RELT: variants seen among roughly 807,000 people sequenced by gnomAD.
The protein encoded by RELT is tumor necrosis factor receptor superfamily member 19L.
A neutral mutation model predicts 51.1 loss-of-function variants in RELT; 37 were observed. The ratio of observed to expected loss-of-function variants is 0.72; its 90% CI spans 0.56 to 0.95. RELT has a LOEUF of 0.95. Ranked by LOEUF, RELT falls within the 40% of genes least tolerant of loss-of-function variation. The probability of loss-of-function intolerance (pLI) is 0.00; values close to 1 mark genes in which losing one functional copy is unlikely to be tolerated. For synonymous variants in RELT, 241 were observed against 235.7 expected (o/e 1.02, Z -0.21); for missense variants, 535 against 572.6 (o/e 0.93, Z 0.67).
Position 73,396,296 on chromosome 11 carries a change from T to G in RELT, c.*805T>G, listed in dbSNP as rs1245764111. On this transcript the variant is annotated 3_prime_UTR_variant, in exon 11 of 11. Coordinates refer to ENST00000064780, the MANE Select transcript of RELT (RefSeq NM_152222.2). Reference sequence around the variant, plus strand: ...GCTGTTTTTAATGAAACTGAAAAAATAGACTTGATCCCGGCAGGACTGTGA... The same window carrying G: ...GCTGTTTTTAATGAAACTGAAAAAAGAGACTTGATCCCGGCAGGACTGTGA... The G allele has an allele frequency of 6.6e-6, 1 of 152,394 alleles. No individual in the cohort carries two copies. Among genetic ancestry groups the G allele is most frequent in the Non-Finnish European group, 1.5e-5 (1 of 68,048 alleles). The allele number at this position is 152,394 out of a possible 1,614,324, so 9.4% of individuals were successfully genotyped here. A position where few individuals can be genotyped will look rare whatever the true frequency, so the allele number is the denominator to read the frequency against.
At chr11:73,378,073 G>A (rs1865998039) in intron 1 of RELT, among the ~76,000 whole-genome samples, 1 of 152,130 alleles carries the variant, frequency 6.6e-6, no homozygotes, top group Non-Finnish European at 1.5e-5. Context: ...CCTTGGGTTG[G>A]GGGAGAGTGG....
intron 1 of RELT, among the ~76,000 whole-genome samples, chr11:73,379,331 C>T (rs1238579495): frequency 6.6e-6 from 1 of 152,222 alleles, no homozygotes; most frequent in Non-Finnish European, 1.5e-5. Context: ...GTGCCCTGGC[C>T]AAGCCAAACC....
In RELT at chr11:73,388,762, C is replaced by T. The variant is rs923903790; in HGVS notation, c.-25-350C>T. ...GGTGTTGGTTGCAACCCTGTCATCACGGACACAGGCCGCCACACGCGCTTC... is the reference window on the plus strand; with the variant it reads ...GGTGTTGGTTGCAACCCTGTCATCATGGACACAGGCCGCCACACGCGCTTC... On this transcript the variant is annotated intron_variant, in intron 1 of 10. Coordinates refer to ENST00000064780, the MANE Select transcript of RELT (RefSeq NM_152222.2). The surrounding 1 kb of genome is among the most constrained non-coding windows in gnomAD (Gnocchi z 4.1). Among the ~76,000 whole-genome samples, 7 of 152,170 alleles carry T rather than the reference C, an allele frequency of 4.6e-5. No homozygotes were observed. Among genetic ancestry groups the T allele is most frequent in the Admixed American group, 2.0e-4 (3 of 15,286 alleles).
Position 73,396,072 on chromosome 11 carries a change from G to A in RELT, c.*581G>A, listed in dbSNP as rs1340885947. The stretch of plus-strand genomic sequence containing the variant: ...AAGGAGAGACGTCTCAGTACCCAGG[G>A]CCTCTTCAGCTCTTTGTAGGTTCTG... On this transcript the variant is annotated 3_prime_UTR_variant, in exon 11 of 11. Coordinates refer to ENST00000064780, the MANE Select transcript of RELT (RefSeq NM_152222.2). 1.3e-5 allele frequency: 2 copies of A among 154,460 alleles called. No individual in the cohort carries two copies. The highest frequency in any genetic ancestry group is 6.4e-5 in the Admixed American group (1 of 15,564). The allele number at this position is 154,460 out of a possible 1,614,324, so 9.6% of individuals were successfully genotyped here.
In RELT at chr11:73,395,538, C is replaced by G. The variant is rs368373127; in HGVS notation, c.*47C>G. The G allele has an allele frequency of 1.3e-6, 1 of 780,948 alleles. No individual in the cohort carries two copies. The highest frequency in any genetic ancestry group is 2.4e-6 in the Non-Finnish European group (1 of 418,406). 48.4% of individuals were successfully genotyped at this position (780,948 alleles called of 1,614,324 possible). A position where few individuals can be genotyped will look rare whatever the true frequency, so the allele number is the denominator to read the frequency against. The stretch of plus-strand genomic sequence containing the variant: ...ACTGCGGCCCTGCCCTGGGAGGTTC[C>G]GAAGGCTTCCTGGAGGAGGTGGAGC... On this transcript the variant is annotated 3_prime_UTR_variant, in exon 11 of 11. Coordinates refer to ENST00000064780, the MANE Select transcript of RELT (RefSeq NM_152222.2).
intron 5 of RELT, chr11:73,391,934 G>A (rs771821720): frequency 2.3e-5 from 13 of 562,796 alleles, no homozygotes; most frequent in Non-Finnish European, 4.2e-5. Flanking sequence ...TGTGTCCTGT[G>A]TGCCATCTCT....
At chr11:73,380,244 C>T in intron 1 of RELT, among the ~76,000 whole-genome samples, 1 of 152,210 alleles carries the variant, frequency 6.6e-6, no homozygotes, top group Non-Finnish European at 1.5e-5. Context: ...AGGATCCCAG[C>T]ACCTGTGTGC....
At chr11:73,385,218 A>G (rs1866105895) in intron 1 of RELT, among the ~76,000 whole-genome samples, 1 of 151,740 alleles carries the variant, frequency 6.6e-6, no homozygotes, top group African/African-American at 2.4e-5. Flanking sequence ...GGCCCTGCCT[A>G]GGGGAGGGGG....
At chr11:73,392,142 C>A in intron 5 of RELT, 69 bp from the exon 6 acceptor site, 1 of 1,541,652 alleles carries the variant, frequency 6.5e-7, no homozygotes. Context: ...GACTCGGGCC[C>A]TGGGCCCCTG....
At position 73,394,341 on chromosome 11, in the gene RELT, C is replaced by T. The variant is rs185037641; in HGVS notation, c.788+24C>T. ...AAGTGAGTGGGCTGGTGGGAGATAA[C>T]GGGGCCAAAACCTACATTAACCAGC... On this transcript the variant is annotated intron_variant, in intron 8 of 10. Transcript: ENST00000064780. The surrounding 1 kb of genome is among the most constrained non-coding windows in gnomAD (Gnocchi z 4.9). The T allele has an allele frequency of 2.6e-4, 417 of 1,612,066 alleles. No individual in the cohort carries two copies. The African/African-American group carries it at 4.1e-3, about 16-fold the overall frequency.
intron 6 of RELT, chr11:73,393,048 C>T (rs1866245318): frequency 1.0e-6 from 1 of 998,656 alleles, no homozygotes; most frequent in African/African-American, 1.7e-5. Context: ...CACTCGCACA[C>T]ACCCTGCCCT....
chr11:73,377,192 A>G (rs920786958), intron 1 of RELT, among the ~76,000 whole-genome samples: 6 of 151,788 alleles, frequency 4.0e-5, no homozygotes, highest in Admixed American at 3.3e-4. Flanking sequence ...TGTGAAATAG[A>G]GGGAGAGGAG....
intron 1 of RELT, among the ~76,000 whole-genome samples, chr11:73,377,539 GGGTAGGGGCCCTGT>G (rs888540035): frequency 1.3e-5 from 2 of 152,032 alleles, no homozygotes; most frequent in Admixed American, 6.5e-5. Context: ...GATGGCAGCA[GGGTAGGGGCCCTGT>G]GGTAGTCTCA....
In RELT at chr11:73,393,724, C is replaced by T. The variant is rs751074003; in HGVS notation, c.626-113C>T. On this transcript the variant is annotated intron_variant, in intron 6 of 10. Transcript: ENST00000064780. Reference sequence around the variant, plus strand: ...CTGGGAGGCTTGTCACCTAAATGCACATGCTCAGGGCCCTTAAGAAGGCCA... The same window carrying T: ...CTGGGAGGCTTGTCACCTAAATGCATATGCTCAGGGCCCTTAAGAAGGCCA... The T allele has an allele frequency of 9.6e-6, 15 of 1,561,460 alleles. No homozygotes were observed. The South Asian group carries it at 1.0e-4, about 10-fold the overall frequency.
chr11:73,394,544 G>T lies in RELT; in HGVS notation c.856G>T (p.Gly286Cys). ...CCGCCACCATCTCCACACCGTGCAGGGCCTGGCCTCGCTCTCTGGCCCCTG... is the reference window on the plus strand; with the variant it reads ...CCGCCACCATCTCCACACCGTGCAGTGCCTGGCCTCGCTCTCTGGCCCCTG... Reference protein sequence around the residue: ...PHRHHLHTVQGLASLSGPCCS... With the variant: ...PHRHHLHTVQCLASLSGPCCS... Residue 286 changes from glycine (G) to cysteine (C), a missense_variant, in exon 9 of 11, where the codon GGC (glycine) becomes TGC (cysteine). Gly to Cys is a radical substitution (Grantham distance 159). Coordinates refer to ENST00000064780, the MANE Select transcript of RELT (RefSeq NM_152222.2). This position sits in a 1 kb window ranked among gnomAD's most constrained non-coding sequence, Gnocchi z 4.9. 6.2e-7 allele frequency: 1 copy of T among 1,611,876 alleles called. No homozygotes were observed. Among genetic ancestry groups the T allele is most frequent in the South Asian group, 1.1e-5 (1 of 91,082 alleles).
intron 1 of RELT, among the ~76,000 whole-genome samples, chr11:73,386,403 G>A (rs372632598): frequency 6.6e-6 from 1 of 152,144 alleles, no homozygotes; most frequent in Non-Finnish European, 1.5e-5. Flanking sequence ...TTTTGGTCAC[G>A]GTTCCAGGGC....
chr11:73,392,544 C>T (rs968267052), intron 6 of RELT, 76 bp downstream of exon 6: 134 of 1,531,236 alleles, frequency 8.8e-5, no homozygotes, highest in Middle Eastern at 3.8e-4. Flanking sequence ...GGGCTGCCAG[C>T]GGAATCCTGC....
rs761672964 is a variant in RELT at position 73,392,218 on chromosome 11, G to A, written c.375G>A (p.Gly125=). The A allele has an allele frequency of 6.2e-7, 1 of 1,611,032 alleles. No individual in the cohort carries two copies. Among genetic ancestry groups the A allele is most frequent in the Non-Finnish European group, 8.5e-7 (1 of 1,178,702 alleles). Residue 125 remains glycine (G), a synonymous_variant, in exon 6 of 11, where the codon GGG becomes GGA. Transcript: ENST00000064780. ...PLGTHGCDEW[G]RRARRGVEVA... ...ATCGTCTGTGATGCTCAGAGTGGGG[G>A]CGGCGGGCCCGACGTGGCGTGGAGG...
rs1866267112 is a variant in RELT, at chr11:73,394,182, T to G, written c.707-54T>G. ...GGGGGTTCTCTGCTGGGGCAGGGGG[T>G]GGGAGGTGTGTCCCATATGGCCACA... is the stretch of plus-strand genomic sequence containing the variant. On this transcript the variant is annotated intron_variant, in intron 7 of 10. Coordinates refer to ENST00000064780, the MANE Select transcript of RELT (RefSeq NM_152222.2). This position sits in a 1 kb window ranked among gnomAD's most constrained non-coding sequence, Gnocchi z 4.9. 4.1e-6 allele frequency: 6 copies of G among 1,470,160 alleles called. No homozygotes were observed. Among genetic ancestry groups the G allele is most frequent in the Admixed American group, 2.0e-5 (1 of 50,718 alleles). The allele number at this position is 1,470,160 out of a possible 1,614,324, so 91.1% of individuals were successfully genotyped here.
Sources: allele counts gnomAD v4.1 joint callset (sites outside exome capture counted in the v4.1 genomes callset), GRCh38; gene constraint gnomAD v4.1.1; non-coding constraint Gnocchi (gnomAD v3.1); transcripts MANE v1.5; gene names NCBI Gene and HGNC (gene_info 2026-07-23, HGNC 2026-07-21).